The following TBC1D14 variants were observed in gnomAD, a reference collection of about 807,000 sequenced individuals.
TBC1D14 encodes the protein TBC1 domain family, member 14.
In TBC1D14, 26 loss-of-function variants were observed where a neutral mutation model predicts 79.0. The ratio of observed to expected loss-of-function variants is 0.33; its 90% CI spans 0.24 to 0.46. The LOEUF (loss-of-function observed/expected upper bound fraction) is 0.46, where lower values mean the gene tolerates loss of function less well. Ranked by LOEUF, TBC1D14 falls within the 20% of genes least tolerant of loss-of-function variation. The probability of loss-of-function intolerance (pLI) is 1.00; values close to 1 mark genes in which losing one functional copy is unlikely to be tolerated. For synonymous variants in TBC1D14, 394 were observed against 349.9 expected (o/e 1.13, Z -1.40); for missense variants, 769 against 887.6 (o/e 0.87, Z 1.70).
chr4:7,021,942 C>T (rs372906954), intron 12 of TBC1D14, among the ~76,000 whole-genome samples: 72 of 152,328 alleles, frequency 4.7e-4, no homozygotes, highest in African/African-American at 1.6e-3. Flanking sequence ...CCCCTTGTTC[C>T]GACCGGTTCT....
At chr4:6,947,048 A>G (rs1560270315) in intron 2 of TBC1D14, among the ~76,000 whole-genome samples, 1 of 151,944 alleles carries the variant, frequency 6.6e-6, no homozygotes. Context: ...TTGCTCTGCC[A>G]TCTCTCTCTC....
At chr4:6,940,241 G>T (rs564312670) in intron 2 of TBC1D14, among the ~76,000 whole-genome samples, 1 of 152,236 alleles carries the variant, frequency 6.6e-6, no homozygotes, top group Non-Finnish European at 1.5e-5. Flanking sequence ...TGGCCACCCC[G>T]TTGGGCGGCT....
intron 3 of TBC1D14, among the ~76,000 whole-genome samples, chr4:6,986,242 G>A (rs1717808497): frequency 6.6e-6 from 1 of 152,220 alleles, no homozygotes; most frequent in African/African-American, 2.4e-5. Flanking sequence ...CCATTTCCCT[G>A]CTGCTCATGC....
chr4:6,971,762 C>T (rs1455456057), intron 3 of TBC1D14, among the ~76,000 whole-genome samples: 1 of 152,140 alleles, frequency 6.6e-6, no homozygotes. Context: ...GGGCTGGGGC[C>T]CAACAAGTTT....
At chr4:6,912,688 C>T (rs185145249) in intron 1 of TBC1D14, among the ~76,000 whole-genome samples, 1 of 152,342 alleles carries the variant, frequency 6.6e-6, no homozygotes, top group Admixed American at 6.5e-5. Context: ...CTGGCCCGAT[C>T]CGTGTCCAGG....
intron 3 of TBC1D14, among the ~76,000 whole-genome samples, chr4:6,980,198 A>C (rs1218244969): frequency 1.3e-5 from 2 of 152,234 alleles, no homozygotes; most frequent in African/African-American, 2.4e-5. Context: ...AATTATACAA[A>C]ATATGTTCTG....
intron 2 of TBC1D14, among the ~76,000 whole-genome samples, chr4:6,930,006 TA>T (rs1711580971): frequency 6.6e-6 from 1 of 152,176 alleles, no homozygotes; most frequent in Non-Finnish European, 1.5e-5. Context: ...CTGTCTCTTG[TA>T]ACATGTGTAA....
At chr4:6,927,148 C>T (rs1724355284) in intron 2 of TBC1D14, among the ~76,000 whole-genome samples, 2 of 152,182 alleles carry the variant, frequency 1.3e-5, no homozygotes, top group African/African-American at 2.4e-5. Flanking sequence ...TTGTCCTTCA[C>T]CCACACTGTA....
chr4:7,009,997 G>T, intron 10 of TBC1D14, 49 bp downstream of exon 10: 1 of 1,599,360 alleles, frequency 6.3e-7, no homozygotes, highest in Non-Finnish European at 8.6e-7. Flanking sequence ...TAAAAAGAAA[G>T]TCAGATATTG....
intron 2 of TBC1D14, among the ~76,000 whole-genome samples, chr4:6,931,306 C>G (rs537320980): frequency 3.3e-5 from 5 of 152,204 alleles, no homozygotes; most frequent in Non-Finnish European, 5.9e-5. Context: ...GATTACCTCT[C>G]GATTGCAGAA....
At chr4:6,967,263 T>C (rs1715784546) in intron 2 of TBC1D14, 41 bp from the exon 3 acceptor site, 1 of 1,603,512 alleles carries the variant, frequency 6.2e-7, no homozygotes, top group East Asian at 2.2e-5. Context: ...GTTTCTTGAA[T>C]TACCCAGAAA....
intron 3 of TBC1D14, among the ~76,000 whole-genome samples, chr4:6,977,947 A>T (rs1716929732): frequency 7.0e-6 from 1 of 142,030 alleles, no homozygotes; most frequent in African/African-American, 2.7e-5. Flanking sequence ...CTGAGAAGTG[A>T]GGAGACCCTC....
intron 13 of TBC1D14, among the ~76,000 whole-genome samples, chr4:7,027,005 G>A (rs1722444020): frequency 1.3e-5 from 2 of 152,304 alleles, no homozygotes; most frequent in African/African-American, 4.8e-5. Context: ...GAGGTCAGGA[G>A]TTCAAGACAA....
intron 2 of TBC1D14, among the ~76,000 whole-genome samples, chr4:6,926,549 C>T (rs573681308): frequency 6.6e-6 from 1 of 152,258 alleles, no homozygotes; most frequent in East Asian, 1.9e-4. Flanking sequence ...TTGTGAGCCT[C>T]TCTGAACTAC....
At chr4:6,954,455 G>A (rs1714434058) in intron 2 of TBC1D14, 1 of 708,738 alleles carries the variant, frequency 1.4e-6, no homozygotes, top group Non-Finnish European at 2.6e-6. Flanking sequence ...TTGGGCTGAG[G>A]TGTTTCTGTG....
chr4:6,949,352 G>A (rs1413576439), intron 2 of TBC1D14, among the ~76,000 whole-genome samples: 1 of 152,076 alleles, frequency 6.6e-6, no homozygotes, highest in Non-Finnish European at 1.5e-5. Context: ...GTTTGGGATT[G>A]CATTGAATTT....
At chr4:6,941,080 A>G (rs1210019223) in intron 2 of TBC1D14, among the ~76,000 whole-genome samples, 2 of 152,058 alleles carry the variant, frequency 1.3e-5, no homozygotes, top group Non-Finnish European at 1.5e-5. Context: ...TCCGTGATCA[A>G]CCAGTGCTCG....
intron 3 of TBC1D14, among the ~76,000 whole-genome samples, chr4:6,975,199 C>T (rs1409298106): frequency 1.3e-5 from 2 of 151,416 alleles, no homozygotes; most frequent in African/African-American, 4.9e-5. Context: ...CAGGCATGAG[C>T]CGCCGCGCCC....
At chr4:6,983,736 G>A (rs137887159) in intron 3 of TBC1D14, among the ~76,000 whole-genome samples, 33 of 152,328 alleles carry the variant, frequency 2.2e-4, no homozygotes, top group African/African-American at 7.9e-4. Context: ...GGAAATGGCA[G>A]CATGGTTGTT....
Sources: gnomAD v4.1 joint callset for allele counts (sites outside exome capture counted in the v4.1 genomes callset) on GRCh38, gnomAD v4.1.1 for gene constraint, MANE v1.5 for transcripts, NCBI Gene and HGNC (gene_info 2026-07-23, HGNC 2026-07-21) for gene names.